Variants in TTC4 observed in about 807,000 individuals in gnomAD.
The protein encoded by TTC4 is hsp70/Hsp90 co-chaperone CNS1 homolog.
TTC4 carries 36 observed loss-of-function variants against 51.9 expected under a neutral mutation model. The observed-to-expected ratio is 0.69, with a 90% confidence interval of 0.53 to 0.92. The LOEUF (loss-of-function observed/expected upper bound fraction) is 0.92. Ranked by LOEUF, TTC4 falls within the 40% of genes least tolerant of loss-of-function variation. The probability of loss-of-function intolerance (pLI) is 0.00; values close to 1 mark genes in which losing one functional copy is unlikely to be tolerated. For missense variants in TTC4, 399 were observed against 454.6 expected, an observed-to-expected ratio of 0.88 and a Z score of 1.11; for synonymous variants, 144 against 164.2, an observed-to-expected ratio of 0.88 and a Z score of 0.94.
rs1006776673 is a variant in TTC4 at position 54,741,721 on chromosome 1, A to C, written c.*208A>C. 1.9e-5 allele frequency: 11 copies of C among 585,750 alleles called. No homozygotes were observed. The highest frequency in any genetic ancestry group is 3.0e-5 in the Non-Finnish European group (10 of 330,224). 36.3% of individuals were successfully genotyped at this position (585,750 alleles called of 1,614,324 possible). ...GTCTTCACTTTCCTCAGTTGATATAAAACTCTGGGTCTTGGCCATGATGTC... is the reference window on the plus strand; with the variant it reads ...GTCTTCACTTTCCTCAGTTGATATACAACTCTGGGTCTTGGCCATGATGTC... On this transcript the variant is annotated 3_prime_UTR_variant, in exon 10 of 10. Transcript: ENST00000371281.
At chr1:54,721,045 G>A in intron 3 of TTC4, 118 bp from the exon 4 acceptor site, 1 of 924,108 alleles carries the variant, frequency 1.1e-6, no homozygotes, top group Non-Finnish European at 1.6e-6. Context: ...CAAAAAAACA[G>A]TTGCTCTCAT....
At chr1:54,722,615 C>A (rs1645755406) in intron 4 of TTC4, 60 bp from the exon 5 acceptor site, 3 of 1,596,774 alleles carry the variant, frequency 1.9e-6, no homozygotes, top group Non-Finnish European at 2.6e-6. Flanking sequence ...GAGATCTTGC[C>A]CAAAGCAGGT....
In TTC4 at chr1:54,721,190, T is replaced by G; in HGVS notation, c.419T>G (p.Val140Gly). Residue 140 changes from valine to glycine, a missense_variant, in exon 4 of 10, where the codon GTG becomes GGG. By Grantham distance (109) the Val-to-Gly change is moderately radical. Transcript: ENST00000371281. ...LGNFRSALND[V>G]TAARKLKPCH... ...AATTTTCGTTCTGCTCTCAATGATGTGACAGCTGCCAGAAAGCTAAAACCC... is the reference window on the plus strand; with the variant it reads ...AATTTTCGTTCTGCTCTCAATGATGGGACAGCTGCCAGAAAGCTAAAACCC... The G allele has an allele frequency of 6.2e-7, 1 of 1,613,568 alleles. No individual in the cohort carries two copies. The highest frequency in any genetic ancestry group is 8.5e-7 in the Non-Finnish European group (1 of 1,179,596).
intron 6 of TTC4, 149 bp from the exon 7 acceptor site, chr1:54,731,337 T>A: frequency 1.5e-6 from 1 of 682,946 alleles, no homozygotes; most frequent in South Asian, 2.5e-5. Context: ...GGCAATATAG[T>A]GAAACTCCGT....
intron 9 of TTC4, among the ~76,000 whole-genome samples, chr1:54,737,957 A>G (rs11206425): frequency 0.12 from 18,698 of 151,894 alleles, 1,828 homozygotes; most frequent in African/African-American, 0.26. Flanking sequence ...CTGGAGTGCA[A>G]TGGTGTGATC....
intron 5 of TTC4, among the ~76,000 whole-genome samples, chr1:54,723,110 C>T (rs1015779714): frequency 6.6e-6 from 1 of 152,106 alleles, no homozygotes; most frequent in Admixed American, 6.5e-5. Context: ...TGTGCTTTTT[C>T]TGTGTTTAGA....
chr1:54,730,737 A>G lies in TTC4; in HGVS notation c.682-749A>G, dbSNP rs898142461. Among the ~76,000 whole-genome samples, 7 of 151,864 alleles carry G rather than the reference A, an allele frequency of 4.6e-5. No homozygotes were observed. The South Asian group carries it at 1.2e-3, about 27-fold the overall frequency. ...CTAGGAGACAGTCAAGATTAAGTCA[A>G]TGCACACTCTTTCTAGTATTCCATG... On this transcript the variant is annotated intron_variant, in intron 6 of 9. Coordinates refer to ENST00000371281, the MANE Select transcript of TTC4 (RefSeq NM_004623.5).
In TTC4 at chr1:54,718,494, G is replaced by A. The variant is rs930139340; in HGVS notation, c.391+841G>A. Among the ~76,000 whole-genome samples the A allele has an allele frequency of 5.3e-5, 8 of 152,100 alleles. No individual in the cohort carries two copies. The East Asian group carries it at 7.7e-4, about 15-fold the overall frequency. Reference sequence around the variant, plus strand: ...GAAATTGGGCTCAAGTGATCCATCCGCCTCAGCCTCCCAAAGTATTGGAAT... The same window carrying A: ...GAAATTGGGCTCAAGTGATCCATCCACCTCAGCCTCCCAAAGTATTGGAAT... On this transcript the variant is annotated intron_variant, in intron 3 of 9. Transcript: ENST00000371281.
chr1:54,739,032 T>C (rs1645981476), intron 9 of TTC4, among the ~76,000 whole-genome samples: 1 of 146,272 alleles, frequency 6.8e-6, no homozygotes, highest in Non-Finnish European at 1.5e-5. Context: ...TTTTTCTTAT[T>C]TTGAATTTTT....
chr1:54,719,149 G>C (rs1645712798), intron 3 of TTC4, among the ~76,000 whole-genome samples: 1 of 152,124 alleles, frequency 6.6e-6, no homozygotes, highest in South Asian at 2.1e-4. Flanking sequence ...TAAACCTCCA[G>C]TCCTCCACCT....
chr1:54,728,575 G>A, intron 6 of TTC4, 143 bp downstream of exon 6: 1 of 819,632 alleles, frequency 1.2e-6, no homozygotes, highest in South Asian at 1.8e-5. Context: ...TGACAGAGGA[G>A]ACCAGGCTCT....
At position 54,741,629 on chromosome 1, in the gene TTC4, T is replaced by C. The variant is rs376699364; in HGVS notation, c.*116T>C. Reference sequence around the variant, plus strand: ...TGCTTTCTTTCCGTCACCCTGGGGATAGTCCTTCCTGGCATCGTGGTGGGG... The same window carrying C: ...TGCTTTCTTTCCGTCACCCTGGGGACAGTCCTTCCTGGCATCGTGGTGGGG... On this transcript the variant is annotated 3_prime_UTR_variant, in exon 10 of 10. Transcript: ENST00000371281. 5 of 863,712 alleles carry C rather than the reference T, an allele frequency of 5.8e-6. No homozygotes were observed. Among genetic ancestry groups the C allele is most frequent in the East Asian group, 2.5e-5 (1 of 40,390 alleles). The allele number at this position is 863,712 out of a possible 1,614,324, so 53.5% of individuals were successfully genotyped here.
Position 54,715,878 on chromosome 1 carries a change from G to A in TTC4, c.-31G>A. On this transcript the variant is annotated 5_prime_UTR_variant, in exon 1 of 10. Coordinates refer to ENST00000371281, the MANE Select transcript of TTC4 (RefSeq NM_004623.5). ...AAGGAGCCGCTCGCTTCACGGCGCT[G>A]GGACCCGGGCTGGAAGGCAGGGCAT... The A allele has an allele frequency of 6.4e-7, 1 of 1,557,750 alleles. No homozygotes were observed. Among genetic ancestry groups the A allele is most frequent in the South Asian group, 1.2e-5 (1 of 85,880 alleles).
chr1:54,726,230 T>TA (rs1259301002), intron 5 of TTC4, among the ~76,000 whole-genome samples: 2 of 152,126 alleles, frequency 1.3e-5, no homozygotes, highest in Non-Finnish European at 2.9e-5. Flanking sequence ...AAATGACTCT[T>TA]TATGTACAAA....
At position 54,742,633 on chromosome 1, in the gene TTC4, C is replaced by G. The variant is rs1364561299; in HGVS notation, c.*1120C>G. On this transcript the variant is annotated 3_prime_UTR_variant, in exon 10 of 10. Transcript: ENST00000371281. ...ATAGCAGAGCTAATACATGAGTAAACTGAAGCCAGCTGCTGTCCTTAAAAG... is the reference window on the plus strand; with the variant it reads ...ATAGCAGAGCTAATACATGAGTAAAGTGAAGCCAGCTGCTGTCCTTAAAAG... 2 of 152,248 alleles carry G rather than the reference C, an allele frequency of 1.3e-5. No individual in the cohort carries two copies. Among genetic ancestry groups the G allele is most frequent in the Non-Finnish European group, 2.9e-5 (2 of 68,062 alleles). The allele number at this position is 152,248 out of a possible 1,614,324, so 9.4% of individuals were successfully genotyped here.
intron 8 of TTC4, chr1:54,737,353 G>A: frequency 4.2e-6 from 2 of 475,240 alleles, no homozygotes; most frequent in South Asian, 5.2e-5. Flanking sequence ...GCAAGTTGTT[G>A]TTCTTCTCTG....
rs11803548 is a variant in TTC4, at chr1:54,742,311, T to C, written c.*798T>C. The stretch of plus-strand genomic sequence containing the variant: ...TAAGAGGAGTTTATCCATCCTGACT[T>C]GTAGCTGTGTGACTTCTTGCAGTGC... On this transcript the variant is annotated 3_prime_UTR_variant, in exon 10 of 10. Transcript: ENST00000371281. The C allele has an allele frequency of 0.12, 18,035 of 152,496 alleles. 1,766 individuals carry two copies. Among genetic ancestry groups the C allele is most frequent in the African/African-American group, 0.26 (10,903 of 41,488 alleles). 9.4% of individuals were successfully genotyped at this position (152,496 alleles called of 1,614,324 possible). A position where few individuals can be genotyped will look rare whatever the true frequency, so the allele number is the denominator to read the frequency against.
In TTC4 at chr1:54,716,635, G is replaced by T. The variant is rs779758970; in HGVS notation, c.147G>T (p.Ala49=). The T allele has an allele frequency of 1.2e-6, 2 of 1,613,568 alleles. No homozygotes were observed. The highest frequency in any genetic ancestry group is 1.7e-6 in the Non-Finnish European group (2 of 1,179,916). The change falls in exon 2 of 10, where the codon GCG becomes GCT. Residue 49 remains alanine, a synonymous_variant. Coordinates refer to ENST00000371281, the MANE Select transcript of TTC4 (RefSeq NM_004623.5). ...FEKVPLFMSR[A]PSEIDPRENP... is the part of the protein sequence containing the mutation. ...AGGTCCCCCTATTTATGTCGAGAGC[G>T]CCATCAGAAATTGATCCCAGGGAGA...
intron 7 of TTC4, 37 bp downstream of exon 7, chr1:54,731,737 C>T (rs189832013): frequency 6.3e-7 from 1 of 1,589,082 alleles, no homozygotes; most frequent in East Asian, 2.2e-5. Flanking sequence ...CTTTTGCTTG[C>T]ATGCTGTCTC....
Sources: gnomAD v4.1 joint callset for allele counts (sites outside exome capture counted in the v4.1 genomes callset) on GRCh38, gnomAD v4.1.1 for gene constraint, MANE v1.5 for transcripts, NCBI Gene and HGNC (gene_info 2026-07-23, HGNC 2026-07-21) for gene names.